USP34: variants seen among roughly 807,000 people sequenced by gnomAD.
USP34 encodes ubiquitin specific peptidase 34.
In USP34, 70 loss-of-function variants were observed where a neutral mutation model predicts 460.3. The ratio of observed to expected loss-of-function variants is 0.15; its 90% CI spans 0.13 to 0.19. USP34 has a LOEUF of 0.19. Among genes scored for constraint, USP34 ranks in the 10% least tolerant of loss-of-function variants. The pLI, the probability that USP34 is intolerant of heterozygous loss-of-function variation, is 1.00. For missense variants in USP34, 3,985 were observed against 4,236.2 expected, an observed-to-expected ratio of 0.94 and a Z score of 1.65; for synonymous variants, 1,647 against 1,405.3, an observed-to-expected ratio of 1.17 and a Z score of -3.85.
intron 10 of USP34, among the ~76,000 whole-genome samples, chr2:61,360,140 T>C (rs1692230684): frequency 6.7e-6 from 1 of 150,114 alleles, no homozygotes; most frequent in Non-Finnish European, 1.5e-5. Context: ...TCCTCTAAGA[T>C]CCAGGAAAGG....
At chr2:61,330,695 A>G (rs1275826394) in intron 20 of USP34, among the ~76,000 whole-genome samples, 1 of 152,146 alleles carries the variant, frequency 6.6e-6, no homozygotes, top group Admixed American at 6.6e-5. Flanking sequence ...TCTCCTATGC[A>G]TCTCCTTAAA....
chr2:61,465,142 T>C (rs1695723308), intron 1 of USP34, among the ~76,000 whole-genome samples: 1 of 152,198 alleles, frequency 6.6e-6, no homozygotes, highest in African/African-American at 2.4e-5. Context: ...AAATATGATT[T>C]TGAAATGTAG....
chr2:61,414,663 A>G (rs1162480083), intron 2 of USP34, among the ~76,000 whole-genome samples: 2 of 152,204 alleles, frequency 1.3e-5, no homozygotes, highest in African/African-American at 4.8e-5. Flanking sequence ...GGAAAGAATA[A>G]AACAACAAAA....
chr2:61,455,203 G>C (rs1214942472), intron 1 of USP34, among the ~76,000 whole-genome samples: 1 of 151,186 alleles, frequency 6.6e-6, no homozygotes, highest in Non-Finnish European at 1.5e-5. Flanking sequence ...TTTTGAGACA[G>C]AGTCTCCGTC....
chr2:61,433,318 CACAA>C (rs1694727793), intron 1 of USP34, among the ~76,000 whole-genome samples: 1 of 152,144 alleles, frequency 6.6e-6, no homozygotes, highest in Admixed American at 6.5e-5. Flanking sequence ...CCATTACCAC[CACAA>C]ACACCTACAC....
intron 72 of USP34, among the ~76,000 whole-genome samples, chr2:61,205,106 T>G (rs925581953): frequency 1.3e-5 from 2 of 152,272 alleles, no homozygotes; most frequent in Non-Finnish European, 2.9e-5. Flanking sequence ...AATCCCCTCC[T>G]GCCTAGACCT....
intron 43 of USP34, among the ~76,000 whole-genome samples, chr2:61,263,802 C>G (rs78038257): frequency 5.1e-4 from 77 of 152,150 alleles, no homozygotes; most frequent in African/African-American, 1.8e-3. Context: ...TTTTGTATAT[C>G]TGGTAGAGAT....
At chr2:61,434,372 G>A (rs1445975019) in intron 1 of USP34, among the ~76,000 whole-genome samples, 1 of 152,102 alleles carries the variant, frequency 6.6e-6, no homozygotes, top group Non-Finnish European at 1.5e-5. Context: ...GAGCAGTTGT[G>A]CACCTGTGTC....
intron 75 of USP34, among the ~76,000 whole-genome samples, chr2:61,195,110 T>C (rs1049202431): frequency 1.3e-5 from 2 of 151,156 alleles, no homozygotes; most frequent in African/African-American, 2.4e-5. Context: ...ATCCCAGCTA[T>C]TCAGGAGGCT....
chr2:61,266,768 A>G (rs1446492544), intron 41 of USP34, among the ~76,000 whole-genome samples: 4 of 152,234 alleles, frequency 2.6e-5, no homozygotes, highest in Admixed American at 1.3e-4. Flanking sequence ...AGTACTGTGC[A>G]GAAAAGAGAT....
At chr2:61,458,288 C>CGG (rs1297104672) in intron 1 of USP34, among the ~76,000 whole-genome samples, 2 of 151,910 alleles carry the variant, frequency 1.3e-5, no homozygotes, top group Non-Finnish European at 2.9e-5. Context: ...AGGCCAGGCA[C>CGG]GGGGGTTCAC....
intron 58 of USP34, 21 bp from the exon 59 acceptor site, chr2:61,229,654 C>G: frequency 6.3e-7 from 1 of 1,589,898 alleles, no homozygotes; most frequent in Non-Finnish European, 8.6e-7. Context: ...AGAAAAAGAT[C>G]AAACAAGAGC....
At chr2:61,303,593 G>A (rs1690304135) in intron 27 of USP34, among the ~76,000 whole-genome samples, 2 of 151,714 alleles carry the variant, frequency 1.3e-5, no homozygotes, top group Non-Finnish European at 2.9e-5. Flanking sequence ...CAGAAATTCT[G>A]TATTAAACTT....
chr2:61,283,715 C>G (rs1374781033), intron 35 of USP34, among the ~76,000 whole-genome samples: 3 of 152,090 alleles, frequency 2.0e-5, no homozygotes, highest in African/African-American at 7.2e-5. Context: ...CTTCCAGGCT[C>G]AAGCAACCCT....
intron 8 of USP34, 109 bp downstream of exon 8, chr2:61,378,254 G>C: frequency 1.3e-6 from 1 of 769,150 alleles, no homozygotes; most frequent in South Asian, 1.7e-5. Context: ...CAATGTCAAA[G>C]GGCAAAGAAT....
At chr2:61,229,455 C>T in intron 59 of USP34, 93 bp downstream of exon 59, 1 of 660,510 alleles carries the variant, frequency 1.5e-6, no homozygotes, top group Non-Finnish European at 2.2e-6. Context: ...AACCCTATCT[C>T]TTAAAAAAAA....
chr2:61,205,889 A>T, intron 72 of USP34, 128 bp downstream of exon 72: 1 of 639,820 alleles, frequency 1.6e-6, no homozygotes, highest in Non-Finnish European at 2.7e-6. Flanking sequence ...AGGACCTGCT[A>T]GCTAGTGTGA....
intron 2 of USP34, among the ~76,000 whole-genome samples, chr2:61,415,734 G>A (rs1694175539): frequency 6.6e-6 from 1 of 152,072 alleles, no homozygotes; most frequent in Admixed American, 6.5e-5. Flanking sequence ...ACTTATGTTG[G>A]TACACCAATA....
At chr2:61,370,723 A>T (rs1692595646) in intron 8 of USP34, 144 bp from the exon 9 acceptor site, 1 of 661,276 alleles carries the variant, frequency 1.5e-6, no homozygotes, top group African/African-American at 1.8e-5. Flanking sequence ...GAATACTACA[A>T]AGCATAACTA....
Sources: gnomAD v4.1 joint callset for allele counts (sites outside exome capture counted in the v4.1 genomes callset) on GRCh38, gnomAD v4.1.1 for gene constraint, MANE v1.5 for transcripts, NCBI Gene and HGNC (gene_info 2026-07-23, HGNC 2026-07-21) for gene names.